Variants in TNNI3K observed in about 807,000 individuals in gnomAD.
The protein encoded by TNNI3K is serine/threonine-protein kinase TNNI3K.
Under a neutral mutation model 114.5 loss-of-function variants are expected in TNNI3K, and 140 were observed. The observed-to-expected ratio is 1.22, with a 90% confidence interval of 1.07 to 1.41. The LOEUF (loss-of-function observed/expected upper bound fraction) is 1.41. Ranked by LOEUF, TNNI3K falls within the 40% of genes most tolerant of loss-of-function variation. TNNI3K has a pLI of 0.00. For synonymous variants in TNNI3K, 347 were observed against 347.5 expected (o/e 1.00, Z 0.02); for missense variants, 1,125 against 1,007.6 (o/e 1.12, Z -1.58).
intron 4 of TNNI3K, 99 bp from the exon 5 acceptor site, chr1:74,271,499 C>T: frequency 8.7e-7 from 1 of 1,145,352 alleles, no homozygotes. Context: ...CTTTGAGCAC[C>T]TGAACTGGCT....
chr1:74,416,369 TGAA>T (rs1665115446), intron 17 of TNNI3K: 4 of 983,854 alleles, frequency 4.1e-6, no homozygotes, highest in Non-Finnish European at 3.6e-6. Context: ...CGAGCAGAGC[TGAA>T]GAAGGAGCTG....
At chr1:74,298,481 C>A (rs768995852) in intron 5 of TNNI3K, among the ~76,000 whole-genome samples, 6 of 152,062 alleles carry the variant, frequency 3.9e-5, no homozygotes, top group Admixed American at 6.6e-5. Context: ...AAATTTTTAT[C>A]ATGATATAAA....
At chr1:74,386,961 G>A (rs1663514771) in intron 17 of TNNI3K, among the ~76,000 whole-genome samples, 1 of 152,152 alleles carries the variant, frequency 6.6e-6, no homozygotes, top group East Asian at 1.9e-4. Flanking sequence ...GTCAAGACAA[G>A]GGAGATTTGG....
At chr1:74,336,224 G>T in intron 7 of TNNI3K, 75 bp downstream of exon 7, 1 of 1,500,324 alleles carries the variant, frequency 6.7e-7, no homozygotes, top group Non-Finnish European at 8.8e-7. Flanking sequence ...TCTCTTACTA[G>T]AGAATAATCT....
At chr1:74,307,269 T>C (rs1658700463) in intron 5 of TNNI3K, among the ~76,000 whole-genome samples, 1 of 152,178 alleles carries the variant, frequency 6.6e-6, no homozygotes, top group Non-Finnish European at 1.5e-5. Context: ...AACAAAGTCT[T>C]ACATATCAAT....
At chr1:74,465,531 C>G (rs564797243) in intron 21 of TNNI3K, among the ~76,000 whole-genome samples, 2 of 152,138 alleles carry the variant, frequency 1.3e-5, no homozygotes, top group South Asian at 4.1e-4. Context: ...CCTCCATGCC[C>G]GAGTCCCCCC....
At chr1:74,280,879 C>T (rs1431725864) in intron 5 of TNNI3K, among the ~76,000 whole-genome samples, 4 of 152,050 alleles carry the variant, frequency 2.6e-5, no homozygotes, top group Admixed American at 2.6e-4. Context: ...ACCCATCTCC[C>T]AACTCTGTGC....
intron 23 of TNNI3K, among the ~76,000 whole-genome samples, chr1:74,517,174 T>A (rs939202950): frequency 1.2e-4 from 18 of 152,118 alleles, no homozygotes; most frequent in African/African-American, 4.3e-4. Context: ...ATGCAACATA[T>A]CTTGTAGGGG....
intron 4 of TNNI3K, among the ~76,000 whole-genome samples, 157 bp from the exon 5 acceptor site, chr1:74,271,441 T>C (rs1656340682): frequency 6.6e-6 from 1 of 151,930 alleles, no homozygotes; most frequent in African/African-American, 2.4e-5. Flanking sequence ...TGAGAACTAT[T>C]CTCTGGTATC....
chr1:74,252,657 A>G lies in TNNI3K; in HGVS notation c.333+1888A>G, dbSNP rs190834455. The stretch of plus-strand genomic sequence containing the variant: ...TGGTGGGTTCGTGGTCTCGCTGGCT[A>G]TGGAGTGAAGCTGCAGACCCTCGCA... On this transcript the variant is annotated intron_variant, in intron 4 of 24. Transcript: ENST00000326637. Among the ~76,000 whole-genome samples, 332 of 151,480 alleles carry G rather than the reference A, an allele frequency of 2.2e-3. 2 individuals are homozygous for G. The highest frequency in any genetic ancestry group is 7.3e-3 in the African/African-American group (302 of 41,252).
At chr1:74,378,591 A>G (rs1210771175) in intron 17 of TNNI3K, 1 of 78,740 alleles carries the variant, frequency 1.3e-5, no homozygotes, top group Admixed American at 1.6e-4. Flanking sequence ...TGTCAGTTTA[A>G]TTTTATATAT....
intron 9 of TNNI3K, among the ~76,000 whole-genome samples, chr1:74,352,731 A>T (rs1661429561): frequency 6.6e-6 from 1 of 152,130 alleles, no homozygotes; most frequent in Non-Finnish European, 1.5e-5. Context: ...TGTGCTAGCA[A>T]TGAGCGAGGC....
intron 7 of TNNI3K, 22 bp from the exon 8 acceptor site, chr1:74,342,820 T>C (rs566965736): frequency 1.1e-5 from 18 of 1,612,894 alleles, no homozygotes; most frequent in Middle Eastern, 1.7e-4. Context: ...TAACATATCT[T>C]TTTCTTTCTT....
At chr1:74,400,238 G>A (rs1570574768) in intron 17 of TNNI3K, among the ~76,000 whole-genome samples, 1 of 152,096 alleles carries the variant, frequency 6.6e-6, no homozygotes, top group South Asian at 2.1e-4. Flanking sequence ...TTAGCTTTTA[G>A]GCTAGTCACC....
At chr1:74,354,651 C>G (rs1661563124) in intron 11 of TNNI3K, among the ~76,000 whole-genome samples, 1 of 152,084 alleles carries the variant, frequency 6.6e-6, no homozygotes, top group African/African-American at 2.4e-5. Flanking sequence ...AGCTTGAGAT[C>G]TGGTATGAAA....
intron 17 of TNNI3K, chr1:74,374,723 T>G (rs1662816686): frequency 6.6e-6 from 1 of 151,936 alleles, no homozygotes; most frequent in Non-Finnish European, 1.5e-5. Context: ...TGGCCCATAG[T>G]GTTTAAATAT....
intron 21 of TNNI3K, among the ~76,000 whole-genome samples, chr1:74,465,181 A>G (rs1228749627): frequency 6.6e-6 from 1 of 152,178 alleles, no homozygotes; most frequent in Non-Finnish European, 1.5e-5. Flanking sequence ...CTCTGGCCAC[A>G]CATGAGGAAC....
chr1:74,361,575 C>T (rs1048070472), intron 11 of TNNI3K, among the ~76,000 whole-genome samples: 1 of 152,046 alleles, frequency 6.6e-6, no homozygotes, highest in South Asian at 2.1e-4. Flanking sequence ...CAGATAATAC[C>T]TCCCTGATCT....
At chr1:74,376,307 A>C (rs1662901864) in intron 17 of TNNI3K, among the ~76,000 whole-genome samples, 1 of 152,004 alleles carries the variant, frequency 6.6e-6, no homozygotes, top group South Asian at 2.1e-4. Flanking sequence ...AAAATAAACA[A>C]ATTGTTAATT....
Sources: allele counts gnomAD v4.1 joint callset (sites outside exome capture counted in the v4.1 genomes callset), GRCh38; gene constraint gnomAD v4.1.1; transcripts MANE v1.5; gene names NCBI Gene and HGNC (gene_info 2026-07-23, HGNC 2026-07-21).